The following CPZ variants were observed in gnomAD, a reference collection of about 807,000 sequenced individuals.
The protein encoded by CPZ is carboxypeptidase Z, also known as VEZT/CPZ fusion.
CPZ carries 103 observed loss-of-function variants against 61.8 expected under a neutral mutation model. That is an observed-to-expected ratio of 1.67 (90% CI 1.42 to 1.96). The LOEUF (loss-of-function observed/expected upper bound fraction) is 1.96, where lower values mean the gene tolerates loss of function less well. Ranked by LOEUF, CPZ falls within the 30% of genes most tolerant of loss-of-function variation. The probability of loss-of-function intolerance (pLI) is 0.00; values close to 1 mark genes in which losing one functional copy is unlikely to be tolerated. For missense variants in CPZ, 1,461 were observed against 914.9 expected (o/e 1.60, Z -7.70); for synonymous variants, 551 against 373.7 (o/e 1.47, Z -5.47).
intron 8 of CPZ, 24 bp downstream of exon 8, chr4:8,612,186 T>TCA (rs201962229): frequency 1.1e-5 from 2 of 179,708 alleles, no homozygotes; most frequent in East Asian, 2.3e-4. Context: ...AGGGCGGGAC[T>TCA]GGGCGGGGGG....
At chr4:8,610,950 C>T (rs1349155472) in intron 7 of CPZ, among the ~76,000 whole-genome samples, 6 of 152,194 alleles carry the variant, frequency 3.9e-5, no homozygotes, top group Admixed American at 3.3e-4. Context: ...GAGAGATCTT[C>T]ACTCTGGCCT....
Position 8,599,449 on chromosome 4 carries a change from C to G in CPZ, c.89-4C>G. 1 of 1,609,038 alleles carries G rather than the reference C, an allele frequency of 6.2e-7. No homozygotes were observed. Among genetic ancestry groups the G allele is most frequent in the Non-Finnish European group, 8.5e-7 (1 of 1,177,054 alleles). On this transcript the variant is annotated splice_region_variant and splice_polypyrimidine_tract_variant and intron_variant, in intron 1 of 10. Transcript: ENST00000360986. Reference sequence around the variant, plus strand: ...CCCTAACAGTGCCATGTCTCTCTTTCCAGGTGAATGCCACAGGCCACCAGC... The same window carrying G: ...CCCTAACAGTGCCATGTCTCTCTTTGCAGGTGAATGCCACAGGCCACCAGC...
At chr4:8,594,635 T>C (rs961462954) in intron 1 of CPZ, among the ~76,000 whole-genome samples, 1 of 152,166 alleles carries the variant, frequency 6.6e-6, no homozygotes, top group Non-Finnish European at 1.5e-5. Flanking sequence ...TTAAGAGGCT[T>C]AGAACTATTT....
Position 8,596,775 on chromosome 4 carries a change from G to A in CPZ, c.89-2678G>A, listed in dbSNP as rs115682615. Among the ~76,000 whole-genome samples, 1,024 of 152,278 alleles carry A rather than the reference G, an allele frequency of 6.7e-3. 4 individuals carry two copies. The highest frequency in any genetic ancestry group is 9.0e-3 in the Non-Finnish European group (612 of 68,012). ...AAGCCACAGGAAGCCAGGAAGGATC[G>A]CCTGTCCAGTCCCTGTGTGATGGTC... On this transcript the variant is annotated intron_variant, in intron 1 of 10. Transcript: ENST00000360986.
chr4:8,618,430 T>G lies in CPZ; in HGVS notation c.1505T>G (p.Val502Gly). The change falls in exon 10 of 11, where the codon GTG becomes GGG. Residue 502 changes from valine (V) to glycine (G), a missense_variant and splice_region_variant. By Grantham distance (109) the Val-to-Gly change is moderately radical. Coordinates refer to ENST00000360986, the MANE Select transcript of CPZ (RefSeq NM_001014447.3). ...CTGGCCTCCCCTTGGTCTCTTCAGG[T>G]GCACCGGGGCATCAAAGGTGTGGTG... The part of the protein sequence containing the change: ...KESLLNFVET[V>G]HRGIKGVVTD... The G allele has an allele frequency of 6.2e-7, 1 of 1,613,976 alleles. No individual in the cohort carries two copies. Among genetic ancestry groups the G allele is most frequent in the Non-Finnish European group, 8.5e-7 (1 of 1,179,964 alleles).
chr4:8,618,575 A>G (rs1289844757), intron 10 of CPZ, 47 bp downstream of exon 10: 1 of 1,577,324 alleles, frequency 6.3e-7, no homozygotes, highest in African/African-American at 1.3e-5. Flanking sequence ...CTGCCAAGGA[A>G]ATGCCACACC....
chr4:8,617,090 C>T (rs1458334646), intron 9 of CPZ, among the ~76,000 whole-genome samples: 1 of 152,242 alleles, frequency 6.6e-6, no homozygotes, highest in Non-Finnish European at 1.5e-5. Context: ...TGGGCGTGAG[C>T]CTGGAACAGC....
chr4:8,611,894 C>G lies in CPZ; in HGVS notation c.1228-133C>G, dbSNP rs1019439024. ...TGCAGGACACCGTTCCCCTCTCCTACCTGCAGACACCATTCCCCTCTCCTA... is the reference window on the plus strand; with the variant it reads ...TGCAGGACACCGTTCCCCTCTCCTAGCTGCAGACACCATTCCCCTCTCCTA... On this transcript the variant is annotated intron_variant, in intron 7 of 10. Transcript: ENST00000360986. The G allele has an allele frequency of 3.1e-6, 4 of 1,279,150 alleles. No individual in the cohort carries two copies. In the East Asian group the frequency reaches 7.7e-5, roughly 25 times the overall value. The allele number at this position is 1,279,150 out of a possible 1,614,324, so 79.2% of individuals were successfully genotyped here. A position where few individuals can be genotyped will look rare whatever the true frequency, so the allele number is the denominator to read the frequency against.
chr4:8,615,209 A>G (rs1312123222), intron 9 of CPZ, among the ~76,000 whole-genome samples: 2 of 151,900 alleles, frequency 1.3e-5, no homozygotes, highest in Non-Finnish European at 2.9e-5. Flanking sequence ...GTGGGAGGTG[A>G]GTGGGGATGG....
chr4:8,604,524 C>T (rs560646642), intron 4 of CPZ, among the ~76,000 whole-genome samples: 38 of 152,176 alleles, frequency 2.5e-4, no homozygotes, highest in Non-Finnish European at 4.6e-4. Flanking sequence ...TCTTGTTGCC[C>T]AGGCTGGAGT....
chr4:8,606,311 G>T (rs1401601754), intron 5 of CPZ, 126 bp downstream of exon 5: 6 of 958,872 alleles, frequency 6.3e-6, no homozygotes, highest in East Asian at 5.3e-5. Context: ...CATTCAGCAG[G>T]TGTCGATACT....
chr4:8,617,085 G>C (rs1000081859), intron 9 of CPZ, among the ~76,000 whole-genome samples: 1 of 152,254 alleles, frequency 6.6e-6, no homozygotes, highest in African/African-American at 2.4e-5. Flanking sequence ...ACAGCTGGGC[G>C]TGAGCCTGGA....
chr4:8,594,729 C>G (rs972190599), intron 1 of CPZ, among the ~76,000 whole-genome samples: 1 of 152,202 alleles, frequency 6.6e-6, no homozygotes, highest in Non-Finnish European at 1.5e-5. Context: ...AGTAGCCACA[C>G]TAATGAGGTA....
rs995898969 is a variant in CPZ, at chr4:8,609,260, TTC to T, written c.1227+1839_1227+1840del. On this transcript the variant is annotated intron_variant, in intron 7 of 10. Transcript: ENST00000360986. ...CACTCATTCACTCATCACTCACTCATTCTCTTATTCATTCACACACTAATTTT... is the reference window on the plus strand; with the variant it reads ...CACTCATTCACTCATCACTCACTCATTCTTATTCATTCACACACTAATTTT... Among the ~76,000 whole-genome samples the T allele has an allele frequency of 1.5e-3, 223 of 151,292 alleles. 1 individual carries two copies. The highest frequency in any genetic ancestry group is 5.0e-3 in the African/African-American group (206 of 40,936).
intron 8 of CPZ, among the ~76,000 whole-genome samples, chr4:8,613,133 CTTTT>C (rs36005113): frequency 1.5e-3 from 196 of 134,702 alleles, no homozygotes; most frequent in Middle Eastern, 7.6e-3. Flanking sequence ...CTCTCTGTTC[CTTTT>C]TTTTTTTTTT....
At chr4:8,618,585 C>G (rs574620736) in intron 10 of CPZ, 57 bp downstream of exon 10, 5 of 1,516,304 alleles carry the variant, frequency 3.3e-6, no homozygotes, top group South Asian at 1.1e-5. Flanking sequence ...AATGCCACAC[C>G]GTGGCAGCCG....
At chr4:8,608,073 C>T (rs1715195237) in intron 7 of CPZ, among the ~76,000 whole-genome samples, 1 of 152,130 alleles carries the variant, frequency 6.6e-6, no homozygotes. Flanking sequence ...GGTCCGTTCC[C>T]ACACTGTGGA....
chr4:8,598,969 GGGGCCT>G (rs1193826013), intron 1 of CPZ, among the ~76,000 whole-genome samples: 2 of 152,262 alleles, frequency 1.3e-5, no homozygotes, highest in Admixed American at 6.5e-5. Flanking sequence ...GACTCTGGGA[GGGGCCT>G]GGGTCTGGGT....
At chr4:8,616,585 CTG>C (rs1299766751) in intron 9 of CPZ, among the ~76,000 whole-genome samples, 3 of 151,994 alleles carry the variant, frequency 2.0e-5, no homozygotes, top group Non-Finnish European at 4.4e-5. Context: ...GGAGTGTGAG[CTG>C]TGTTTTGAAG....
Sources: gnomAD v4.1 joint callset for allele counts (sites outside exome capture counted in the v4.1 genomes callset) on GRCh38, gnomAD v4.1.1 for gene constraint, MANE v1.5 for transcripts, NCBI Gene and HGNC (gene_info 2026-07-23, HGNC 2026-07-21) for gene names.